Variants in SPATC1L observed in about 807,000 individuals in gnomAD.
SPATC1L encodes speriolin-like protein.
A neutral mutation model predicts 21.2 loss-of-function variants in SPATC1L; 20 were observed. The ratio of observed to expected loss-of-function variants is 0.94; its 90% CI spans 0.66 to 1.37. The LOEUF is 1.37. Among genes scored for constraint, SPATC1L ranks in the 40% most tolerant of loss-of-function variants. The pLI, the probability that SPATC1L is intolerant of heterozygous loss-of-function variation, is 0.00. For synonymous variants in SPATC1L, 290 were observed against 234.5 expected (o/e 1.24, Z -2.16); for missense variants, 499 against 478.7 (o/e 1.04, Z -0.40).
chr21:46,172,461 G>C (rs966665972), intron 2 of SPATC1L, among the ~76,000 whole-genome samples: 12 of 152,242 alleles, frequency 7.9e-5, no homozygotes, highest in African/African-American at 2.7e-4. Context: ...CAAATTTTCT[G>C]TTTTCCAAAA....
chr21:46,163,433 G>A (rs558962591), intron 3 of SPATC1L, among the ~76,000 whole-genome samples: 14 of 152,256 alleles, frequency 9.2e-5, no homozygotes, highest in Non-Finnish European at 1.8e-4. Context: ...CCAAGGTCAC[G>A]AAGATTTACC....
In SPATC1L at chr21:46,174,339, C is replaced by T. The variant is rs9982743; in HGVS notation, c.194-5681G>A. Among the ~76,000 whole-genome samples, 811 of 121,492 alleles carry T rather than the reference C, an allele frequency of 6.7e-3. 19 individuals are homozygous for T. Among genetic ancestry groups the T allele is most frequent in the African/African-American group, 0.027 (781 of 29,468 alleles). The allele number at this position is 121,492 out of a possible 152,430, so 79.7% of individuals were successfully genotyped here. On this transcript the variant is annotated intron_variant, in intron 2 of 4. Transcript: ENST00000291672. ...CAGAGCAAGACTCTGTCTCAAAAAA[C>T]AAAACAAAAAAAAAAAAAAAACAGA...
Position 46,168,603 on chromosome 21 carries a change from T to C in SPATC1L, c.249A>G (p.Thr83=). The C allele has an allele frequency of 7.0e-7, 1 of 1,418,466 alleles. No homozygotes were observed. The highest frequency in any genetic ancestry group is 9.3e-7 in the Non-Finnish European group (1 of 1,072,522). 87.9% of individuals were successfully genotyped at this position (1,418,466 alleles called of 1,614,324 possible). A position where few individuals can be genotyped will look rare whatever the true frequency, so the allele number is the denominator to read the frequency against. The change falls in exon 3 of 5, where the codon ACA becomes ACG. Residue 83 remains threonine, a synonymous_variant. Coordinates refer to ENST00000291672, the MANE Select transcript of SPATC1L (RefSeq NM_001142854.2). ...AGCACAGCAGGTCCTCCAGGGAGGA[T>C]GTCTGCAGTTGGGAGGGCGTGTCGG... ...SVADTPSQLQ[T]SSLEDLLCSH...
chr21:46,180,477 C>T (rs1285422000), intron 2 of SPATC1L, among the ~76,000 whole-genome samples: 4 of 152,162 alleles, frequency 2.6e-5, no homozygotes, highest in African/African-American at 9.7e-5. Flanking sequence ...TTGTTGAATC[C>T]GTAAGAAAAG....
chr21:46,168,283 C>CA (rs1568998902), intron 3 of SPATC1L, 25 bp downstream of exon 3: 2 of 1,513,090 alleles, frequency 1.3e-6, no homozygotes, highest in Middle Eastern at 1.8e-4. Flanking sequence ...GGGGCCCCCC[C>CA]AGGTGCCCCC....
At chr21:46,177,777 A>C (rs2123650350) in intron 2 of SPATC1L, among the ~76,000 whole-genome samples, 1 of 152,374 alleles carries the variant, frequency 6.6e-6, no homozygotes, top group Admixed American at 6.5e-5. Flanking sequence ...TGGTACCCAA[A>C]GGAATATAAA....
At position 46,162,045 on chromosome 21, in the gene SPATC1L, G is replaced by C. The variant is rs1568996200; in HGVS notation, c.567C>G (p.Ala189=). Residue 189 remains alanine, a synonymous_variant, in exon 4 of 5, where the codon GCC becomes GCG. Coordinates refer to ENST00000291672, the MANE Select transcript of SPATC1L (RefSeq NM_001142854.2). ...YLNEIQSFAG[A]EKDARVVGEI... ...CGCCCACCACGCGCGCGTCCTTCTCGGCGCCCGCGAAGCTCTGGATCTCTG... is the reference window on the plus strand; with the variant it reads ...CGCCCACCACGCGCGCGTCCTTCTCCGCGCCCGCGAAGCTCTGGATCTCTG... 6.3e-6 allele frequency: 10 copies of C among 1,582,974 alleles called. No individual in the cohort carries two copies. The highest frequency in any genetic ancestry group is 1.1e-5 in the South Asian group (1 of 87,842).
chr21:46,176,270 A>C (rs1212398597), intron 2 of SPATC1L, among the ~76,000 whole-genome samples: 1 of 152,224 alleles, frequency 6.6e-6, no homozygotes, highest in African/African-American at 2.4e-5. Flanking sequence ...ATAGTATTGG[A>C]AGTCTTGATC....
At chr21:46,179,064 C>A (rs1440882347) in intron 2 of SPATC1L, among the ~76,000 whole-genome samples, 3 of 148,302 alleles carry the variant, frequency 2.0e-5, no homozygotes, top group Non-Finnish European at 1.5e-5. Context: ...CATAGGGAGA[C>A]CCTGTCTCTA....
rs1421871661 is a variant in SPATC1L at position 46,161,634 on chromosome 21, G to A, written c.768C>T (p.Ala256=). 1 of 1,610,434 alleles carries A rather than the reference G, an allele frequency of 6.2e-7. No homozygotes were observed. The highest frequency in any genetic ancestry group is 8.5e-7 in the Non-Finnish European group (1 of 1,179,092). Residue 256 remains alanine, a synonymous_variant, in exon 5 of 5, where the codon GCC becomes GCT. Coordinates refer to ENST00000291672, the MANE Select transcript of SPATC1L (RefSeq NM_001142854.2). ...KLRELTQRYL[A]LSARLEKLGY... ...CCAGCTTCTCCAGGCGCGCGCTCAG[G>A]GCCAGGTAGCGCTGCGTCAGCTCGC...
At position 46,183,464 on chromosome 21, in the gene SPATC1L, C is replaced by CGGGGGAGACCAGCCTGG; in HGVS notation, c.-665_-649dup. 1 of 138,106 alleles carries CGGGGGAGACCAGCCTGG rather than the reference C, an allele frequency of 7.2e-6. No homozygotes were observed. Among genetic ancestry groups the CGGGGGAGACCAGCCTGG allele is most frequent in the East Asian group, 2.3e-4 (1 of 4,336 alleles). The allele number at this position is 138,106 out of a possible 1,614,324, so 8.6% of individuals were successfully genotyped here. A position where few individuals can be genotyped will look rare whatever the true frequency, so the allele number is the denominator to read the frequency against. On this transcript the variant is annotated 5_prime_UTR_variant, in exon 2 of 5. Transcript: ENST00000291672. ...CCAGCTTGTGGGGGAGACCAGTCTG[C>CGGGGGAGACCAGCCTGG]GGGGGAGACCAGCCTGGGGAGGAGA... is the stretch of plus-strand genomic sequence containing the variant.
chr21:46,176,072 T>A (rs922266720), intron 2 of SPATC1L, among the ~76,000 whole-genome samples: 6 of 152,110 alleles, frequency 3.9e-5, no homozygotes, highest in African/African-American at 1.4e-4. Context: ...TCTTAATAGA[T>A]GCAAAAAAAG....
chr21:46,173,945 G>A lies in SPATC1L; in HGVS notation c.194-5287C>T, dbSNP rs568688267. On this transcript the variant is annotated intron_variant, in intron 2 of 4. Transcript: ENST00000291672. The stretch of plus-strand genomic sequence containing the variant: ...CCAGAGCTAGAGCATGCAGAGTCCA[G>A]GAGTTGGCAGCTGGGCACTGGCCCC... Among the ~76,000 whole-genome samples the A allele has an allele frequency of 3.9e-5, 6 of 152,328 alleles. No individual in the cohort carries two copies. The South Asian group carries it at 1.2e-3, about 32-fold the overall frequency.
intron 2 of SPATC1L, among the ~76,000 whole-genome samples, chr21:46,178,747 CATG>C (rs1391447669): frequency 6.6e-6 from 1 of 152,068 alleles, no homozygotes; most frequent in Non-Finnish European, 1.5e-5. Context: ...AGTAGCCAGG[CATG>C]GTGGTGTGTG....
chr21:46,164,230 C>G (rs1305497683), intron 3 of SPATC1L, among the ~76,000 whole-genome samples: 1 of 152,072 alleles, frequency 6.6e-6, no homozygotes, highest in Non-Finnish European at 1.5e-5. Context: ...TGAGGCTGGT[C>G]TTGAACTCCT....
rs1207290532 is a variant in SPATC1L, at chr21:46,162,214, A to T, written c.545-147T>A. 1.2e-5 allele frequency: 12 copies of T among 979,998 alleles called. No homozygotes were observed. In the Admixed American group the frequency reaches 3.5e-4, roughly 28 times the overall value. 60.7% of individuals were successfully genotyped at this position (979,998 alleles called of 1,614,324 possible). On this transcript the variant is annotated intron_variant, in intron 3 of 4. Coordinates refer to ENST00000291672, the MANE Select transcript of SPATC1L (RefSeq NM_001142854.2). ...CCACTGTCTGGCAAATAGAATCTGA[A>T]AGAAAAGGAGCTTCTTAAAGTGCCA...
Position 46,182,637 on chromosome 21 carries a change from G to A in SPATC1L, c.180C>T (p.Ser60=). ...PRAHAYPEAG[S]PGSGVPDFGR... ...GCGGCGCCTCACCTCCGCTCCCGGG[G>A]GAGCCGGCCTCAGGGTAGGCATGCG... The change falls in exon 2 of 5, where the codon TCC becomes TCT. Residue 60 remains serine, a synonymous_variant. Coordinates refer to ENST00000291672, the MANE Select transcript of SPATC1L (RefSeq NM_001142854.2). 6.6e-7 allele frequency: 1 copy of A among 1,516,402 alleles called. No individual in the cohort carries two copies. The highest frequency in any genetic ancestry group is 8.8e-7 in the Non-Finnish European group (1 of 1,132,900). The allele number at this position is 1,516,402 out of a possible 1,614,324, so 93.9% of individuals were successfully genotyped here.
rs1417166559 is a variant in SPATC1L, at chr21:46,161,971, C to G, written c.641G>C (p.Gly214Ala). 2 of 1,607,818 alleles carry G rather than the reference C, an allele frequency of 1.2e-6. No individual in the cohort carries two copies. Among genetic ancestry groups the G allele is most frequent in the African/African-American group, 2.7e-5 (2 of 74,914 alleles). Residue 214 changes from glycine (G) to alanine (A), a missense_variant, in exon 4 of 5, where the codon GGC (glycine) becomes GCC (alanine). Transcript: ENST00000291672. The stretch of plus-strand genomic sequence containing the variant: ...CGTGAAGCCGTAGAGCCGCGTCACG[C>G]CCGGGAACACGTAGGCCAGGATGCG... ...DRRILAYVFP[G>A]VTRLYGFTVA... is the part of the protein sequence containing the mutation.
chr21:46,165,922 T>C (rs74842704), intron 3 of SPATC1L, among the ~76,000 whole-genome samples: 16,072 of 152,158 alleles, frequency 0.11, 1,484 homozygotes, highest in African/African-American at 0.25. Flanking sequence ...CATTCAAGGC[T>C]CGGGTAGTTT....
Sources: allele counts gnomAD v4.1 joint callset (sites outside exome capture counted in the v4.1 genomes callset), GRCh38; gene constraint gnomAD v4.1.1; transcripts MANE v1.5; gene names NCBI Gene and HGNC (gene_info 2026-07-23, HGNC 2026-07-21).